PIGU: variants seen among roughly 807,000 people sequenced by gnomAD.
PIGU encodes the protein phosphatidylinositol glycan anchor biosynthesis class U, also known as GPI-anchor transamidase component PIGU.
Under a neutral mutation model 49.9 loss-of-function variants are expected in PIGU, and 24 were observed. The observed-to-expected ratio is 0.48, with a 90% CI of 0.35 to 0.68. PIGU has a LOEUF of 0.68. Among genes scored for constraint, PIGU ranks in the 30% least tolerant of loss-of-function variants. The pLI is 0.01. For missense variants in PIGU, 490 were observed against 532.6 expected, an observed-to-expected ratio of 0.92 and a Z score of 0.79; for synonymous variants, 220 against 205.7, an observed-to-expected ratio of 1.07 and a Z score of -0.59.
chr20:34,606,164 A>G (rs1227253055), intron 7 of PIGU, among the ~76,000 whole-genome samples: 2 of 150,582 alleles, frequency 1.3e-5, no homozygotes, highest in Non-Finnish European at 3.0e-5. Context: ...CTGAGGCAGG[A>G]GAATCGCTTG....
chr20:34,631,438 A>G (rs1985705193), intron 6 of PIGU, among the ~76,000 whole-genome samples: 3 of 151,998 alleles, frequency 2.0e-5, no homozygotes, highest in Admixed American at 1.3e-4. Context: ...ACTAGTTTCC[A>G]TATTGAAAGG....
intron 1 of PIGU, among the ~76,000 whole-genome samples, chr20:34,672,855 TCAAAAAAAAAA>T (rs1987351899): frequency 1.0e-5 from 1 of 95,300 alleles, no homozygotes; most frequent in East Asian, 3.0e-4. Context: ...ACCCTGTCTC[TCAAAAAAAAAA>T]AAAAAAAAAA....
At chr20:34,632,358 A>G (rs538929737) in intron 6 of PIGU, among the ~76,000 whole-genome samples, 7 of 151,702 alleles carry the variant, frequency 4.6e-5, no homozygotes, top group African/African-American at 7.2e-5. Context: ...CTCAAAATAT[A>G]TATCTCATAT....
intron 6 of PIGU, among the ~76,000 whole-genome samples, chr20:34,623,727 T>G (rs1985342258): frequency 6.6e-6 from 1 of 152,202 alleles, no homozygotes; most frequent in African/African-American, 2.4e-5. Context: ...AAGCATTTTA[T>G]ATTTCTTATT....
At chr20:34,631,785 ATTTTTTTTTTTTTTTT>A (rs1166878990) in intron 6 of PIGU, among the ~76,000 whole-genome samples, 18 of 6,440 alleles carry the variant, frequency 2.8e-3, no homozygotes, top group South Asian at 8.8e-3. Flanking sequence ...ATATATATAT[ATTTTTTTTTTTTTTTT>A]TTTTTTTTTT....
intron 6 of PIGU, among the ~76,000 whole-genome samples, chr20:34,626,599 T>C (rs1444957558): frequency 2.0e-5 from 3 of 152,072 alleles, no homozygotes; most frequent in South Asian, 4.1e-4. Flanking sequence ...CCACCGCGCC[T>C]GGCCAAAAAA....
chr20:34,664,996 AG>A (rs1223922494), intron 1 of PIGU, among the ~76,000 whole-genome samples: 2 of 151,860 alleles, frequency 1.3e-5, no homozygotes, highest in African/African-American at 2.4e-5. Flanking sequence ...AGAAAAAAAA[AG>A]TATAGGAAGA....
chr20:34,587,546 A>G (rs910396409), intron 8 of PIGU, among the ~76,000 whole-genome samples: 2 of 152,192 alleles, frequency 1.3e-5, no homozygotes, highest in Non-Finnish European at 2.9e-5. Context: ...ACAATACTCT[A>G]TTATTAACTA....
intron 1 of PIGU, among the ~76,000 whole-genome samples, chr20:34,665,196 T>TA (rs1568665991): frequency 1.1e-5 from 1 of 94,760 alleles, no homozygotes; most frequent in East Asian, 3.1e-4. Context: ...TGGCCAATTT[T>TA]TTTTTTTTTT....
intron 11 of PIGU, among the ~76,000 whole-genome samples, chr20:34,566,226 T>C (rs1430168414): frequency 6.6e-6 from 1 of 152,206 alleles, no homozygotes; most frequent in Non-Finnish European, 1.5e-5. Flanking sequence ...CCCTGCATTG[T>C]TACATGGACC....
chr20:34,618,934 A>C (rs553576723), intron 6 of PIGU, among the ~76,000 whole-genome samples: 8 of 152,234 alleles, frequency 5.3e-5, no homozygotes, highest in Non-Finnish European at 1.0e-4. Context: ...TTCACCACCA[A>C]AGTGGTCTGT....
intron 1 of PIGU, among the ~76,000 whole-genome samples, chr20:34,665,431 C>G (rs1237837973): frequency 6.6e-6 from 1 of 151,406 alleles, no homozygotes; most frequent in African/African-American, 2.4e-5. Context: ...TCTCGATCTC[C>G]TGACCTCGTG....
chr20:34,563,624 TGGG>T (rs11292653), intron 11 of PIGU, among the ~76,000 whole-genome samples: 1 of 139,614 alleles, frequency 7.2e-6, no homozygotes, highest in Admixed American at 7.2e-5. Flanking sequence ...AATACATCAA[TGGG>T]GGGGGGGAGA....
intron 4 of PIGU, among the ~76,000 whole-genome samples, chr20:34,640,117 A>AAGCC (rs1470801314): frequency 6.6e-6 from 1 of 152,236 alleles, no homozygotes; most frequent in African/African-American, 2.4e-5. Flanking sequence ...CCCAGGCTGG[A>AAGCC]AGCCAGCCAG....
chr20:34,580,825 G>A (rs1983430491), intron 10 of PIGU, among the ~76,000 whole-genome samples: 1 of 152,152 alleles, frequency 6.6e-6, no homozygotes, highest in Admixed American at 6.5e-5. Flanking sequence ...AGCACTGGGG[G>A]CCTAGGCAGC....
chr20:34,658,512 C>G (rs1321568642), intron 1 of PIGU, among the ~76,000 whole-genome samples: 1 of 150,038 alleles, frequency 6.7e-6, no homozygotes, highest in African/African-American at 2.5e-5. Context: ...AGTGAGGAGC[C>G]TCTCTGCCCA....
intron 2 of PIGU, among the ~76,000 whole-genome samples, chr20:34,656,689 C>G (rs1318020988): frequency 1.3e-5 from 2 of 150,958 alleles, no homozygotes; most frequent in Non-Finnish European, 3.0e-5. Flanking sequence ...TCGCTTGAGC[C>G]CAGGAGGTCA....
rs749091516 is a variant in PIGU, at chr20:34,560,965, A to G, written c.1209T>C (p.Ser403=). The change falls in exon 12 of 12, where the codon TCT becomes TCC. Residue 403 remains serine, a synonymous_variant. Coordinates refer to ENST00000217446, the MANE Select transcript of PIGU (RefSeq NM_080476.5). ...TFNVGQILLI[S]DYFYAFLRRE... ...GCCGCAGGAAGGCATAGAAGTAATC[A>G]GAGATGAGCAGGATCTGGGGGGAGA... 25 of 1,607,810 alleles carry G rather than the reference A, an allele frequency of 1.6e-5. No individual in the cohort carries two copies. In the Admixed American group the frequency reaches 2.5e-4, roughly 16 times the overall value.
chr20:34,610,939 AAAAC>A (rs1984789843), intron 7 of PIGU, among the ~76,000 whole-genome samples: 1 of 152,196 alleles, frequency 6.6e-6, no homozygotes, highest in Non-Finnish European at 1.5e-5. Context: ...AAACCTGACA[AAAAC>A]AAGCAATGGG....
Sources: gnomAD v4.1 joint callset for allele counts (sites outside exome capture counted in the v4.1 genomes callset) on GRCh38, gnomAD v4.1.1 for gene constraint, MANE v1.5 for transcripts, NCBI Gene and HGNC (gene_info 2026-07-23, HGNC 2026-07-21) for gene names.